TMEM52B: variants seen among roughly 807,000 people sequenced by gnomAD.
The protein encoded by TMEM52B is chromosome 12 open reading frame 59.
A neutral mutation model predicts 16.1 loss-of-function variants in TMEM52B; 11 were observed. The observed-to-expected ratio is 0.68, with a 90% CI of 0.43 to 1.13. TMEM52B has a LOEUF of 1.13. TMEM52B is among the 50% of genes most tolerant of loss of function. The probability of loss-of-function intolerance (pLI) is 0.00; values close to 1 mark genes in which losing one functional copy is unlikely to be tolerated. For synonymous variants in TMEM52B, 101 were observed against 93.8 expected, an observed-to-expected ratio of 1.08 and a Z score of -0.45; for missense variants, 243 against 230.4, an observed-to-expected ratio of 1.05 and a Z score of -0.35.
intron 3 of TMEM52B, among the ~76,000 whole-genome samples, 178 bp downstream of exon 3, chr12:10,185,546 A>G (rs983645208): frequency 6.6e-6 from 1 of 152,184 alleles, no homozygotes; most frequent in Non-Finnish European, 1.5e-5. Context: ...ACATCAAACC[A>G]TTACTGTGTC....
chr12:10,188,220 C>T (rs1044349380), intron 4 of TMEM52B, among the ~76,000 whole-genome samples: 2 of 152,104 alleles, frequency 1.3e-5, no homozygotes, highest in Admixed American at 6.6e-5. Context: ...CACGGTGGCT[C>T]AGTCCAAGGC....
intron 4 of TMEM52B, among the ~76,000 whole-genome samples, chr12:10,189,016 CAA>C (rs869240234): frequency 1.2e-4 from 7 of 56,496 alleles, no homozygotes; most frequent in African/African-American, 4.1e-4. Flanking sequence ...GACTCCGTCT[CAA>C]AAAAAAAAAA....
Position 10,190,434 on chromosome 12 carries a change from G to A in TMEM52B, c.*294G>A, listed in dbSNP as rs1382195526. On this transcript the variant is annotated 3_prime_UTR_variant, in exon 5 of 5. Coordinates refer to ENST00000543484, the MANE Select transcript of TMEM52B (RefSeq NM_001384896.1). ...GGTGTCTTGAATTCCTTTAACTATT[G>A]AGTGCATATAGAATTCCTGTACCCA... 8.4e-6 allele frequency: 3 copies of A among 358,196 alleles called. No homozygotes were observed. The highest frequency in any genetic ancestry group is 3.9e-5 in the Admixed American group (1 of 25,496). 22.2% of individuals were successfully genotyped at this position (358,196 alleles called of 1,614,324 possible).
chr12:10,174,064 GTT>G (rs541386069), upstream of TMEM52B, among the ~76,000 whole-genome samples: 226 of 151,538 alleles, frequency 1.5e-3, 2 homozygotes, highest in African/African-American at 5.1e-3. Context: ...TTGTTTGTTT[GTT>G]TGTTTGTTTT....
Position 10,190,522 on chromosome 12 carries a change from A to C in TMEM52B, c.*382A>C, listed in dbSNP as rs1948946214. On this transcript the variant is annotated 3_prime_UTR_variant, in exon 5 of 5. Transcript: ENST00000543484. Reference sequence around the variant, plus strand: ...TCCACTGCGGTTAACTGGAAAAGAAAGACAACAGTGTCAGCACAGCCATCG... The same window carrying C: ...TCCACTGCGGTTAACTGGAAAAGAACGACAACAGTGTCAGCACAGCCATCG... The C allele has an allele frequency of 4.3e-6, 1 of 233,750 alleles. No homozygotes were observed. Among genetic ancestry groups the C allele is most frequent in the Non-Finnish European group, 8.7e-6 (1 of 115,222 alleles). The allele number at this position is 233,750 out of a possible 1,614,324, so 14.5% of individuals were successfully genotyped here. A position where few individuals can be genotyped will look rare whatever the true frequency, so the allele number is the denominator to read the frequency against.
At chr12:10,174,708 T>C (rs1311690503), upstream of TMEM52B, among the ~76,000 whole-genome samples, 4 of 152,234 alleles carry the variant, frequency 2.6e-5, no homozygotes, top group African/African-American at 7.2e-5. Flanking sequence ...GTATTGATCC[T>C]CTTTCTCTGC....
intron 4 of TMEM52B, among the ~76,000 whole-genome samples, chr12:10,188,159 A>G (rs990383425): frequency 6.6e-6 from 1 of 151,712 alleles, no homozygotes; most frequent in African/African-American, 2.4e-5. Context: ...CACCTTTCCT[A>G]CCTCCCCTTT....
rs1279497003 is a variant in TMEM52B, at chr12:10,190,140, A to G, written c.552A>G (p.Ter184TrpextTer1). The G allele has an allele frequency of 1.2e-6, 2 of 1,614,046 alleles. No individual in the cohort carries two copies. The highest frequency in any genetic ancestry group is 1.7e-6 in the Non-Finnish European group (2 of 1,180,026). ...ESTRIVDSWN* is the reference protein window; with the variant it reads ...ESTRIVDSWNW The stretch of plus-strand genomic sequence containing the variant: ...CTCGAATAGTTGACTCTTGGAACTG[A>G]TGAGAGCTGTCATTTTATAAATAGG... Residue 184 changes from the stop codon to tryptophan, a stop_lost, in exon 5 of 5, where the codon TGA (stop) becomes TGG (tryptophan). Coordinates refer to ENST00000543484, the MANE Select transcript of TMEM52B (RefSeq NM_001384896.1).
chr12:10,172,238 G>A (rs552562271), intron 1 of TMEM52B: 22 of 572,386 alleles, frequency 3.8e-5, no homozygotes, highest in South Asian at 6.9e-5. Flanking sequence ...TTCATATTGG[G>A]AAGTTCGCTG....
upstream of TMEM52B, among the ~76,000 whole-genome samples, chr12:10,178,667 G>A (rs1392861371): frequency 1.3e-5 from 2 of 151,628 alleles, no homozygotes; most frequent in East Asian, 1.9e-4. Context: ...GAGAGAAAGA[G>A]AGAGAAAGAA....
chr12:10,182,638 ACAT>A, intron 2 of TMEM52B, 45 bp downstream of exon 2: 1 of 1,518,882 alleles, frequency 6.6e-7, no homozygotes, highest in South Asian at 1.2e-5. Context: ...ACAGACCAAA[ACAT>A]CACTACCCCA....
intron 1 of TMEM52B, among the ~76,000 whole-genome samples, chr12:10,181,558 G>A (rs1183436077): frequency 1.3e-5 from 2 of 151,302 alleles, no homozygotes; most frequent in Non-Finnish European, 1.5e-5. Flanking sequence ...TCGAACTCCT[G>A]ACCTCATGAT....
Position 10,190,015 on chromosome 12 carries a change from C to T in TMEM52B, c.427C>T (p.His143Tyr). The T allele has an allele frequency of 1.2e-6, 2 of 1,614,202 alleles. No individual in the cohort carries two copies. Among genetic ancestry groups the T allele is most frequent in the Non-Finnish European group, 1.7e-6 (2 of 1,180,038 alleles). ...CCTCCCAGGGTATGAAGAAGCTCTT[C>T]ACATGAGTCGCTTCACAGTAGCCAT... is the stretch of plus-strand genomic sequence containing the variant. ...DTLPGYEEALHMSRFTVAMCG... is the reference protein window; with the variant it reads ...DTLPGYEEALYMSRFTVAMCG... Residue 143 changes from histidine to tyrosine, a missense_variant, in exon 5 of 5, where the codon CAC becomes TAC. Transcript: ENST00000543484.
intron 1 of TMEM52B, among the ~76,000 whole-genome samples, chr12:10,180,124 G>A (rs2137544116): frequency 6.6e-6 from 1 of 152,274 alleles, no homozygotes; most frequent in Non-Finnish European, 1.5e-5. Flanking sequence ...TCCATTAGTG[G>A]AGAAAAGGGT....
intron 1 of TMEM52B, chr12:10,171,921 T>TA: frequency 1.9e-6 from 2 of 1,053,450 alleles, no homozygotes; most frequent in Non-Finnish European, 2.9e-6. Flanking sequence ...TTTAGCTTTC[T>TA]AATCCCATTC....
Position 10,189,844 on chromosome 12 carries a change from AG to A in TMEM52B, c.308-49del. The A allele has an allele frequency of 1.9e-6, 3 of 1,601,318 alleles. No individual in the cohort carries two copies. In the Admixed American group the frequency reaches 5.1e-5, roughly 27 times the overall value. On this transcript the variant is annotated intron_variant, in intron 4 of 4. Coordinates refer to ENST00000543484, the MANE Select transcript of TMEM52B (RefSeq NM_001384896.1). ...GTGTGAAGTAAGTCTCTGCTGTCTG[AG>A]GGTGTCCTGTTTCCCTTAGTTTCTT...
At chr12:10,170,951 T>C (rs1948710310) in intron 1 of TMEM52B, 1 of 152,140 alleles carries the variant, frequency 6.6e-6, no homozygotes, top group African/African-American at 2.4e-5. Flanking sequence ...TTTCCAATCA[T>C]AAACCAATCC....
At chr12:10,176,717 T>C (rs1418819747), upstream of TMEM52B, among the ~76,000 whole-genome samples, 9 of 152,214 alleles carry the variant, frequency 5.9e-5, no homozygotes, top group Non-Finnish European at 1.3e-4. Flanking sequence ...TCAGGACTGT[T>C]ATATTCATTT....
chr12:10,172,045 C>G (rs1247827991), intron 1 of TMEM52B: 1 of 1,613,756 alleles, frequency 6.2e-7, no homozygotes, highest in Non-Finnish European at 8.5e-7. Context: ...GCTGGTCCTT[C>G]ACAGTCTGGA....
Sources: gnomAD v4.1 joint callset for allele counts (sites outside exome capture counted in the v4.1 genomes callset) on GRCh38, gnomAD v4.1.1 for gene constraint, MANE v1.5 for transcripts, NCBI Gene and HGNC (gene_info 2026-07-23, HGNC 2026-07-21) for gene names.